The following SPTLC1 variants were observed in gnomAD, a reference collection of about 807,000 sequenced individuals.
SPTLC1 encodes the protein serine palmitoyltransferase long chain base subunit 1.
In SPTLC1, 55 loss-of-function variants were observed where a neutral mutation model predicts 68.9. The ratio of observed to expected loss-of-function variants is 0.80; its 90% CI spans 0.64 to 1.00. The LOEUF (loss-of-function observed/expected upper bound fraction) is 1.00. Among genes scored for constraint, SPTLC1 ranks in the 50% least tolerant of loss-of-function variants. SPTLC1 has a pLI of 0.00. For missense variants in SPTLC1, 449 were observed against 573.1 expected, an observed-to-expected ratio of 0.78 and a Z score of 2.21; for synonymous variants, 197 against 201.6, an observed-to-expected ratio of 0.98 and a Z score of 0.19.
chr9:92,080,158 CT>C lies in SPTLC1; in HGVS notation c.355-71del, dbSNP rs1834828452. 3.8e-6 allele frequency: 5 copies of C among 1,306,770 alleles called. No individual in the cohort carries two copies. The East Asian group carries it at 9.8e-5, about 26-fold the overall frequency. The allele number at this position is 1,306,770 out of a possible 1,614,324, so 80.9% of individuals were successfully genotyped here. ...GAGTTCAAAACAAACATTTCCTATTCTTTAACCCACAGAGCTCCTTCCTTCC... is the reference window on the plus strand; with the variant it reads ...GAGTTCAAAACAAACATTTCCTATTCTTAACCCACAGAGCTCCTTCCTTCC... On this transcript the variant is annotated intron_variant, in intron 4 of 14. Coordinates refer to ENST00000262554, the MANE Select transcript of SPTLC1 (RefSeq NM_006415.4).
intron 3 of SPTLC1, among the ~76,000 whole-genome samples, chr9:92,088,993 C>T (rs1408989451): frequency 1.3e-5 from 2 of 152,222 alleles, no homozygotes; most frequent in Admixed American, 6.5e-5. Flanking sequence ...CACAACCCCA[C>T]CATGAGTGAG....
rs532652317 is a variant in SPTLC1, at chr9:92,079,489, A to G, written c.427+527T>C. ...CAGGGAATTCACTGTATTTGAAATC[A>G]TACATTCATCAAATATTTAGTTGGC... On this transcript the variant is annotated intron_variant, in intron 5 of 14. Transcript: ENST00000262554. 26 of 1,612,392 alleles carry G rather than the reference A, an allele frequency of 1.6e-5. No individual in the cohort carries two copies. The South Asian group carries it at 2.5e-4, about 16-fold the overall frequency.
At chr9:92,043,883 C>T (rs561091182) in intron 12 of SPTLC1, among the ~76,000 whole-genome samples, 13 of 152,334 alleles carry the variant, frequency 8.5e-5, no homozygotes, top group Non-Finnish European at 1.8e-4. Context: ...GTCCTCATCA[C>T]GGCTCACAAG....
At chr9:92,103,909 CA>C (rs898550342) in intron 3 of SPTLC1, among the ~76,000 whole-genome samples, 6 of 152,348 alleles carry the variant, frequency 3.9e-5, no homozygotes, top group Admixed American at 2.0e-4. Flanking sequence ...AACAGCCCCA[CA>C]GGGGGGCCCA....
At chr9:92,092,553 AC>A (rs1835399976) in intron 3 of SPTLC1, among the ~76,000 whole-genome samples, 1 of 152,104 alleles carries the variant, frequency 6.6e-6, no homozygotes, top group Non-Finnish European at 1.5e-5. Flanking sequence ...ACATGGTGAA[AC>A]CCTGTCTCTA....
chr9:92,046,297 A>G, intron 11 of SPTLC1: 1 of 553,138 alleles, frequency 1.8e-6, no homozygotes, highest in Non-Finnish European at 3.2e-6. Flanking sequence ...TTTCAAGAAC[A>G]ATCAATGCCT....
At chr9:92,075,931 T>G (rs1023122270) in intron 5 of SPTLC1, among the ~76,000 whole-genome samples, 1 of 152,184 alleles carries the variant, frequency 6.6e-6, no homozygotes, top group African/African-American at 2.4e-5. Flanking sequence ...CCCTTTTTCC[T>G]GTCCCTGACC....
intron 5 of SPTLC1, among the ~76,000 whole-genome samples, chr9:92,077,739 C>T (rs1834733378): frequency 6.6e-6 from 1 of 152,302 alleles, no homozygotes; most frequent in East Asian, 1.9e-4. Flanking sequence ...CACGCTTTTA[C>T]TCCAGACCAT....
Position 92,032,279 on chromosome 9 carries a change from T to C in SPTLC1, c.*186A>G, listed in dbSNP as rs1420405309. The C allele has an allele frequency of 4.6e-6, 7 of 1,533,074 alleles. No homozygotes were observed. In the Middle Eastern group the frequency reaches 5.0e-4, roughly 110 times the overall value. The allele number at this position is 1,533,074 out of a possible 1,614,324, so 95.0% of individuals were successfully genotyped here. ...CAGTTCCTGGGCTTTTAGATGTGTT[T>C]TCTTTTTAAAAAAAATAAGCATCCT... On this transcript the variant is annotated 3_prime_UTR_variant, in exon 15 of 15. Transcript: ENST00000262554.
intron 2 of SPTLC1, 50 bp downstream of exon 2, chr9:92,112,405 G>C: frequency 7.8e-7 from 1 of 1,281,904 alleles, no homozygotes; most frequent in Non-Finnish European, 1.1e-6. Flanking sequence ...GAAAGACATA[G>C]CAACTATAAT....
At chr9:92,068,655 T>C (rs1403373589) in intron 5 of SPTLC1, among the ~76,000 whole-genome samples, 3 of 152,180 alleles carry the variant, frequency 2.0e-5, no homozygotes, top group African/African-American at 7.2e-5. Context: ...TTCAAATTTA[T>C]AGTACAAAAG....
intron 5 of SPTLC1, among the ~76,000 whole-genome samples, chr9:92,077,690 G>A (rs141181042): frequency 2.6e-4 from 40 of 152,164 alleles, no homozygotes; most frequent in African/African-American, 9.2e-4. Flanking sequence ...CCATTCTCAC[G>A]TACTTCTAAA....
chr9:92,033,147 C>G (rs970391011), intron 14 of SPTLC1, among the ~76,000 whole-genome samples: 1 of 152,194 alleles, frequency 6.6e-6, no homozygotes, highest in African/African-American at 2.4e-5. Flanking sequence ...AGTGCACACC[C>G]AGTCAGAGTG....
At chr9:92,111,718 T>C (rs1836253974) in intron 2 of SPTLC1, 1 of 152,302 alleles carries the variant, frequency 6.6e-6, no homozygotes, top group Admixed American at 6.5e-5. Flanking sequence ...ACATAGCACT[T>C]GTTATTATAG....
At chr9:92,094,781 G>C (rs1423507190) in intron 3 of SPTLC1, among the ~76,000 whole-genome samples, 2 of 152,308 alleles carry the variant, frequency 1.3e-5, no homozygotes, top group African/African-American at 4.8e-5. Context: ...CTCTGCCTCT[G>C]CTCTGCAGGT....
intron 3 of SPTLC1, among the ~76,000 whole-genome samples, chr9:92,083,032 T>C (rs1276864230): frequency 6.6e-6 from 1 of 152,170 alleles, no homozygotes; most frequent in Admixed American, 6.5e-5. Context: ...GCTGCATACA[T>C]GTCTTCTTTT....
intron 12 of SPTLC1, among the ~76,000 whole-genome samples, chr9:92,045,545 A>C (rs1434247351): frequency 3.4e-5 from 5 of 148,902 alleles, no homozygotes; most frequent in Non-Finnish European, 7.4e-5. Context: ...AAAAAAAAAA[A>C]AAAAAAACAC....
chr9:92,114,947 T>C, intron 1 of SPTLC1: 1 of 363,272 alleles, frequency 2.8e-6, no homozygotes, highest in Admixed American at 3.9e-5. Flanking sequence ...CTGACTTCCT[T>C]AGGACCTTCC....
At chr9:92,050,293 T>G in intron 8 of SPTLC1, 1 of 481,662 alleles carries the variant, frequency 2.1e-6, no homozygotes, top group Non-Finnish European at 3.8e-6. Flanking sequence ...GAATTTGAAT[T>G]ACCTGACACG....
Sources: allele counts gnomAD v4.1 joint callset (sites outside exome capture counted in the v4.1 genomes callset), GRCh38; gene constraint gnomAD v4.1.1; transcripts MANE v1.5; gene names NCBI Gene and HGNC (gene_info 2026-07-23, HGNC 2026-07-21).